ATXN1: variants seen among roughly 807,000 people sequenced by gnomAD.
The protein encoded by ATXN1 is ataxin 1.
Under a neutral mutation model 56.4 loss-of-function variants are expected in ATXN1, and 8 were observed. That is an observed-to-expected ratio of 0.14 (90% confidence interval 0.08 to 0.26). ATXN1 has a LOEUF of 0.26. Among genes scored for constraint, ATXN1 ranks in the 10% least tolerant of loss-of-function variants. The pLI is 1.00. For synonymous variants in ATXN1, 514 were observed against 494.6 expected, an observed-to-expected ratio of 1.04 and a Z score of -0.52; for missense variants, 987 against 1,106.5, an observed-to-expected ratio of 0.89 and a Z score of 1.53.
chr6:16,512,469 C>T (rs1252210667), intron 5 of ATXN1, among the ~76,000 whole-genome samples: 3 of 152,222 alleles, frequency 2.0e-5, no homozygotes, highest in African/African-American at 7.2e-5. Flanking sequence ...CCTGCACTCC[C>T]AGGACAGTGT....
chr6:16,328,413 G>A lies in ATXN1; in HGVS notation c.-103C>T. The A allele has an allele frequency of 7.3e-7, 1 of 1,374,820 alleles. No homozygotes were observed. Among genetic ancestry groups the A allele is most frequent in the Non-Finnish European group, 9.4e-7 (1 of 1,066,898 alleles). The allele number at this position is 1,374,820 out of a possible 1,614,324, so 85.2% of individuals were successfully genotyped here. On this transcript the variant is annotated 5_prime_UTR_variant, in exon 7 of 8. Transcript: ENST00000436367. The surrounding 1 kb of genome is among the most constrained non-coding windows in gnomAD (Gnocchi z 6.2). ...CATTTGATTTCTGTAGGGGATCCAG[G>A]CTCTTCATGAGGAATCATCTCCCCG...
chr6:16,537,294 G>A (rs944886807), intron 4 of ATXN1, among the ~76,000 whole-genome samples: 30 of 151,996 alleles, frequency 2.0e-4, no homozygotes, highest in African/African-American at 6.3e-4. Context: ...CAATGGCCTC[G>A]CCAACCGCCA....
chr6:16,760,099 G>C lies in ATXN1; in HGVS notation c.-730+1199C>G, dbSNP rs1460455742. Reference sequence around the variant, plus strand: ...CGGCCCCCTTCCCTGCCCCCTGCGGGACCGGCCTGCGCGCAGCACTGGAAC... The same window carrying C: ...CGGCCCCCTTCCCTGCCCCCTGCGGCACCGGCCTGCGCGCAGCACTGGAAC... On this transcript the variant is annotated intron_variant, in intron 1 of 7. Coordinates refer to ENST00000436367, the MANE Select transcript of ATXN1 (RefSeq NM_001128164.2). This position sits in a 1 kb window ranked among gnomAD's most constrained non-coding sequence, Gnocchi z 5.3. Among the ~76,000 whole-genome samples the C allele has an allele frequency of 2.6e-5, 4 of 151,992 alleles. No individual in the cohort carries two copies. In the East Asian group the frequency reaches 7.8e-4, roughly 30 times the overall value.
rs908110575 is a variant in ATXN1 at position 16,425,495 on chromosome 6, C to T, written c.-161+60477G>A. ...TATTATTCACACACCTTGGAGCCTG[C>T]GGATTCTCTAAGCCTTCTTAATCAT... On this transcript the variant is annotated intron_variant, in intron 6 of 7. Transcript: ENST00000436367. Among the ~76,000 whole-genome samples the T allele has an allele frequency of 1.1e-4, 16 of 152,190 alleles. No individual in the cohort carries two copies. In the South Asian group the frequency reaches 1.2e-3, roughly 12 times the overall value.
chr6:16,588,079 C>T (rs1240828939), intron 3 of ATXN1, among the ~76,000 whole-genome samples: 1 of 152,130 alleles, frequency 6.6e-6, no homozygotes, highest in Non-Finnish European at 1.5e-5. Context: ...CCTACGTTTC[C>T]TAGCTCAGTG....
intron 4 of ATXN1, among the ~76,000 whole-genome samples, chr6:16,544,983 A>G (rs988874065): frequency 3.3e-5 from 5 of 152,194 alleles, no homozygotes; most frequent in African/African-American, 1.2e-4. Flanking sequence ...TTCCAGGGTT[A>G]TAAAACAACA....
At chr6:16,587,926 T>C (rs1417885265) in intron 3 of ATXN1, among the ~76,000 whole-genome samples, 1 of 150,140 alleles carries the variant, frequency 6.7e-6, no homozygotes, top group Middle Eastern at 3.4e-3. Flanking sequence ...AGCGGAACTC[T>C]GTCTAAAAAA....
At chr6:16,719,074 C>G (rs1443032624) in intron 2 of ATXN1, among the ~76,000 whole-genome samples, 1 of 152,168 alleles carries the variant, frequency 6.6e-6, no homozygotes, top group Non-Finnish European at 1.5e-5. Flanking sequence ...ACACAATGAG[C>G]ACTTAATAAA....
chr6:16,753,493 TAC>T (rs1257313859), intron 1 of ATXN1, 146 bp from the exon 2 acceptor site: 16 of 386,194 alleles, frequency 4.1e-5, no homozygotes, highest in African/African-American at 3.1e-4. Flanking sequence ...GTATGAGAAT[TAC>T]ACAGATCCCA....
At chr6:16,534,841 T>C (rs1029773944) in intron 4 of ATXN1, among the ~76,000 whole-genome samples, 24 of 152,252 alleles carry the variant, frequency 1.6e-4, no homozygotes, top group African/African-American at 7.2e-5. Context: ...TCTGCTCTTG[T>C]ATAAACAGCT....
At chr6:16,627,760 C>T (rs536520787) in intron 3 of ATXN1, among the ~76,000 whole-genome samples, 4 of 152,164 alleles carry the variant, frequency 2.6e-5, no homozygotes, top group South Asian at 2.1e-4. Context: ...ACAGGATCCT[C>T]TCTCAGCAAG....
chr6:16,570,546 T>A (rs1023315408), intron 4 of ATXN1, among the ~76,000 whole-genome samples: 1 of 152,230 alleles, frequency 6.6e-6, no homozygotes, highest in African/African-American at 2.4e-5. Context: ...ACTAGGATCA[T>A]ATCACTTTTA....
At chr6:16,698,512 A>G (rs1232233379) in intron 2 of ATXN1, among the ~76,000 whole-genome samples, 1 of 152,200 alleles carries the variant, frequency 6.6e-6, no homozygotes, top group Admixed American at 6.5e-5. Flanking sequence ...TTCAGCATAT[A>G]GACAGATAAT....
chr6:16,420,843 G>GTC (rs1161399828), intron 6 of ATXN1, among the ~76,000 whole-genome samples: 1 of 151,664 alleles, frequency 6.6e-6, no homozygotes. Flanking sequence ...CTCTCTCTCT[G>GTC]TCTCTCTCTC....
chr6:16,318,065 C>T (rs532334660), intron 7 of ATXN1, among the ~76,000 whole-genome samples: 2 of 152,292 alleles, frequency 1.3e-5, no homozygotes, highest in East Asian at 1.9e-4. Context: ...TGCACATACA[C>T]GCATATTTAT....
At chr6:16,734,444 A>T (rs1235095666) in intron 2 of ATXN1, among the ~76,000 whole-genome samples, 5 of 152,216 alleles carry the variant, frequency 3.3e-5, no homozygotes, top group African/African-American at 1.2e-4. Context: ...AAAAAAGAAG[A>T]GAAAAAGGAG....
chr6:16,649,550 C>A (rs760109076), intron 3 of ATXN1, among the ~76,000 whole-genome samples: 14 of 152,180 alleles, frequency 9.2e-5, no homozygotes, highest in South Asian at 2.1e-4. Flanking sequence ...TGAAGCAATT[C>A]TATCTGATGT....
intron 2 of ATXN1, among the ~76,000 whole-genome samples, chr6:16,750,383 T>A (rs1198235042): frequency 6.6e-6 from 1 of 152,220 alleles, no homozygotes; most frequent in Admixed American, 6.5e-5. Context: ...AGCTGTATCA[T>A]ATTTATAAAA....
intron 6 of ATXN1, among the ~76,000 whole-genome samples, chr6:16,348,621 C>T (rs11961079): frequency 2.4e-4 from 37 of 151,734 alleles, no homozygotes; most frequent in African/African-American, 8.0e-4. Context: ...CTTGAACCCG[C>T]GAGGTGGAGG....
Sources: gnomAD v4.1 joint callset for allele counts (sites outside exome capture counted in the v4.1 genomes callset) on GRCh38, gnomAD v4.1.1 for gene constraint, Gnocchi (gnomAD v3.1) non-coding constraint, MANE v1.5 for transcripts, NCBI Gene and HGNC (gene_info 2026-07-23, HGNC 2026-07-21) for gene names.